Variants in CSGALNACT1 observed in about 807,000 individuals in gnomAD.
CSGALNACT1 encodes the protein chondroitin sulfate N-acetylgalactosaminyltransferase 1, also known as beta4GalNAcT-1.
A neutral mutation model predicts 51.0 loss-of-function variants in CSGALNACT1; 52 were observed. The ratio of observed to expected loss-of-function variants is 1.02; its 90% CI spans 0.82 to 1.29. The LOEUF is 1.29. CSGALNACT1 is among the 50% of genes most tolerant of loss of function. CSGALNACT1 has a pLI of 0.00. For synonymous variants in CSGALNACT1, 341 were observed against 254.4 expected, an observed-to-expected ratio of 1.34 and a Z score of -3.24; for missense variants, 935 against 679.2, an observed-to-expected ratio of 1.38 and a Z score of -4.19.
chr8:19,474,828 T>C (rs563706002), intron 4 of CSGALNACT1, among the ~76,000 whole-genome samples: 55 of 128,010 alleles, frequency 4.3e-4, no homozygotes, highest in African/African-American at 1.5e-3. Context: ...GATCGCACCA[T>C]TGCATTCCAG....
chr8:19,706,905 G>C (rs1394444112), intron 1 of CSGALNACT1, among the ~76,000 whole-genome samples: 1 of 152,172 alleles, frequency 6.6e-6, no homozygotes, highest in East Asian at 1.9e-4. Context: ...GAGATTACAG[G>C]TGTGAGCAAC....
At chr8:19,436,474 T>C (rs779494336) in intron 6 of CSGALNACT1, among the ~76,000 whole-genome samples, 1 of 152,162 alleles carries the variant, frequency 6.6e-6, no homozygotes, top group South Asian at 2.1e-4. Context: ...GTCTATCTCA[T>C]CAGGTAATGA....
chr8:19,654,391 C>G (rs1173881172), intron 1 of CSGALNACT1, among the ~76,000 whole-genome samples: 1 of 152,134 alleles, frequency 6.6e-6, no homozygotes, highest in Non-Finnish European at 1.5e-5. Flanking sequence ...ATGTGTGTGA[C>G]GCACTGGAAA....
chr8:19,752,751 A>G (rs1305953811), intron 1 of CSGALNACT1, among the ~76,000 whole-genome samples: 2 of 152,248 alleles, frequency 1.3e-5, no homozygotes, highest in African/African-American at 4.8e-5. Context: ...TTGTGTGTGA[A>G]AATGAAACAA....
chr8:19,405,830 C>G (rs1164778328), exon 10 of CSGALNACT1: 5 of 1,614,060 alleles, frequency 3.1e-6, no homozygotes, highest in African/African-American at 1.3e-5. Flanking sequence ...AGGTGAGCCT[C>G]TATCTCGTGC....
chr8:19,423,488 A>T (rs2058277869), intron 6 of CSGALNACT1, among the ~76,000 whole-genome samples: 1 of 152,146 alleles, frequency 6.6e-6, no homozygotes, highest in African/African-American at 2.4e-5. Context: ...CTGTGCATGA[A>T]TCCCCTAACC....
At chr8:19,543,731 C>T (rs929672573) in intron 3 of CSGALNACT1, among the ~76,000 whole-genome samples, 1 of 152,178 alleles carries the variant, frequency 6.6e-6, no homozygotes. Flanking sequence ...ACACTCATCT[C>T]TTTTTCCCTT....
At chr8:19,625,654 C>T (rs965840474) in intron 1 of CSGALNACT1, among the ~76,000 whole-genome samples, 1 of 152,214 alleles carries the variant, frequency 6.6e-6, no homozygotes, top group African/African-American at 2.4e-5. Context: ...GCGGATCATG[C>T]TGTCTCTGCA....
intron 1 of CSGALNACT1, among the ~76,000 whole-genome samples, chr8:19,634,979 C>G (rs2055829822): frequency 6.6e-6 from 1 of 152,186 alleles, no homozygotes. Flanking sequence ...AGTCAGGACT[C>G]TGTCATATCG....
At chr8:19,408,636 T>C (rs2054872224) in exon 9 of CSGALNACT1, 1 of 1,613,934 alleles carries the variant, frequency 6.2e-7, no homozygotes, top group Non-Finnish European at 8.5e-7. Flanking sequence ...GTCTGACCGA[T>C]ACTGACACGT....
At chr8:19,702,991 C>T (rs932194688) in intron 1 of CSGALNACT1, among the ~76,000 whole-genome samples, 3 of 152,070 alleles carry the variant, frequency 2.0e-5, no homozygotes, top group African/African-American at 7.2e-5. Context: ...CTTTATATCT[C>T]ATCTGATCAA....
intron 1 of CSGALNACT1, among the ~76,000 whole-genome samples, chr8:19,755,058 A>G (rs1445082242): frequency 6.6e-6 from 1 of 152,184 alleles, no homozygotes; most frequent in Non-Finnish European, 1.5e-5. Context: ...TAAATCAACA[A>G]ATATTTATTT....
chr8:19,661,987 AT>A (rs1342798823), intron 1 of CSGALNACT1, among the ~76,000 whole-genome samples: 2 of 148,118 alleles, frequency 1.4e-5, no homozygotes, highest in African/African-American at 5.0e-5. Flanking sequence ...GGTGTTCACT[AT>A]CCTGGGATAA....
At chr8:19,613,112 C>G (rs1220197565) in intron 1 of CSGALNACT1, among the ~76,000 whole-genome samples, 1 of 152,050 alleles carries the variant, frequency 6.6e-6, no homozygotes, top group East Asian at 1.9e-4. Context: ...TAACTACTTT[C>G]ACAATACATT....
At chr8:19,706,391 C>T (rs746357861) in intron 1 of CSGALNACT1, among the ~76,000 whole-genome samples, 18 of 152,148 alleles carry the variant, frequency 1.2e-4, no homozygotes, top group Non-Finnish European at 1.6e-4. Context: ...AAAACTGCGG[C>T]GGAGGCTGGG....
intron 1 of CSGALNACT1, among the ~76,000 whole-genome samples, chr8:19,615,817 A>G (rs2052920932): frequency 6.6e-6 from 1 of 152,258 alleles, no homozygotes; most frequent in African/African-American, 2.4e-5. Context: ...TTTATATCAA[A>G]CAATCCAGAA....
At position 19,713,261 on chromosome 8, in the gene CSGALNACT1, T is replaced by C. The variant is rs925860845; in HGVS notation, c.-297+44589A>G. On this transcript the variant is annotated intron_variant, in intron 1 of 1. Transcript: ENST00000517494. Reference sequence around the variant, plus strand: ...GGAATAGCGAACCACATAAAAGATATAACTTGTTTGAAGGGCATGACAGAG... The same window carrying C: ...GGAATAGCGAACCACATAAAAGATACAACTTGTTTGAAGGGCATGACAGAG... Among the ~76,000 whole-genome samples the C allele has an allele frequency of 2.2e-4, 34 of 152,248 alleles. No homozygotes were observed. The South Asian group carries it at 5.2e-3, about 23-fold the overall frequency.
chr8:19,563,120 C>T (rs952040678), intron 3 of CSGALNACT1, among the ~76,000 whole-genome samples: 2 of 152,150 alleles, frequency 1.3e-5, no homozygotes, highest in Non-Finnish European at 2.9e-5. Context: ...AGATCATGTC[C>T]TTTACAGGGA....
At chr8:19,451,553 G>A (rs1161404019) in intron 5 of CSGALNACT1, among the ~76,000 whole-genome samples, 1 of 152,150 alleles carries the variant, frequency 6.6e-6, no homozygotes, top group African/African-American at 2.4e-5. Flanking sequence ...CACCGTTCTA[G>A]AGCACAAAGA....
Sources: allele counts gnomAD v4.1 joint callset (sites outside exome capture counted in the v4.1 genomes callset), GRCh38; gene constraint gnomAD v4.1.1; transcripts MANE v1.5; gene names NCBI Gene and HGNC (gene_info 2026-07-23, HGNC 2026-07-21).